Variants in ESRRG observed in about 807,000 individuals in gnomAD.
ESRRG encodes estrogen-related receptor gamma.
Under a neutral mutation model 44.0 loss-of-function variants are expected in ESRRG, and 13 were observed. That is an observed-to-expected ratio of 0.30 (90% CI 0.19 to 0.47). The LOEUF (loss-of-function observed/expected upper bound fraction) is 0.47, where lower values mean the gene tolerates loss of function less well. Among genes scored for constraint, ESRRG ranks in the 20% least tolerant of loss-of-function variants. The pLI is 1.00. For missense variants in ESRRG, 395 were observed against 580.6 expected (o/e 0.68, Z 3.29); for synonymous variants, 215 against 214.6 (o/e 1.00, Z -0.02).
chr1:216,727,984 G>A (rs528940668), upstream of ESRRG, among the ~76,000 whole-genome samples: 17 of 152,182 alleles, frequency 1.1e-4, no homozygotes, highest in African/African-American at 4.1e-4. Context: ...TTTCACCTTC[G>A]TTTTGTCAAA....
chr1:217,054,352 T>C (rs1353118338), intron 1 of ESRRG, among the ~76,000 whole-genome samples: 1 of 152,214 alleles, frequency 6.6e-6, no homozygotes, highest in African/African-American at 2.4e-5. Flanking sequence ...GCACATTTTA[T>C]TTGCCTTCCT....
chr1:216,646,257 T>G (rs1482953307), intron 3 of ESRRG, among the ~76,000 whole-genome samples: 1 of 152,166 alleles, frequency 6.6e-6, no homozygotes, highest in Non-Finnish European at 1.5e-5. Context: ...CTTATTGATG[T>G]GCTTCTATAA....
chr1:216,966,328 A>T (rs932875251), intron 1 of ESRRG, among the ~76,000 whole-genome samples: 2 of 152,164 alleles, frequency 1.3e-5, no homozygotes, highest in Admixed American at 1.3e-4. Flanking sequence ...GATACACCAG[A>T]TGGTTGTTCA....
chr1:216,522,575 C>T (rs1485949620), intron 5 of ESRRG, among the ~76,000 whole-genome samples: 1 of 151,988 alleles, frequency 6.6e-6, no homozygotes, highest in Admixed American at 6.6e-5. Flanking sequence ...GTTAAGACAG[C>T]CTTGTTATAA....
At chr1:216,865,662 A>C (rs2096142994) in intron 2 of ESRRG, among the ~76,000 whole-genome samples, 1 of 152,186 alleles carries the variant, frequency 6.6e-6, no homozygotes. Context: ...TGCACATTAA[A>C]AATATAATCC....
chr1:216,886,613 T>G (rs777404116), intron 2 of ESRRG, among the ~76,000 whole-genome samples: 39 of 152,200 alleles, frequency 2.6e-4, no homozygotes, highest in Non-Finnish European at 4.3e-4. Flanking sequence ...CTTCAAGAAG[T>G]CATTTAACAA....
intron 1 of ESRRG, among the ~76,000 whole-genome samples, chr1:217,002,798 TCC>T (rs2077214614): frequency 6.6e-6 from 1 of 152,136 alleles, no homozygotes; most frequent in Admixed American, 6.6e-5. Flanking sequence ...AAGTGGAACC[TCC>T]AGCCCCACGC....
In ESRRG at chr1:216,926,748, T is replaced by C. The variant is rs182567099; in HGVS notation, c.-14+12834A>G. Among the ~76,000 whole-genome samples the C allele has an allele frequency of 3.1e-3, 479 of 152,262 alleles. 2 individuals are homozygous for C. The highest frequency in any genetic ancestry group is 0.01 in the African/African-American group (434 of 41,548). On this transcript the variant is annotated intron_variant, in intron 2 of 7. Transcript: ENST00000359162. Reference sequence around the variant, plus strand: ...GATGTTGAAAGAAGCATATAATATTTCCCCTGGGGGATCTGAAGGTAGCAG... The same window carrying C: ...GATGTTGAAAGAAGCATATAATATTCCCCCTGGGGGATCTGAAGGTAGCAG...
At chr1:217,017,608 C>T (rs993930999) in intron 1 of ESRRG, among the ~76,000 whole-genome samples, 3 of 151,984 alleles carry the variant, frequency 2.0e-5, no homozygotes, top group African/African-American at 7.2e-5. Flanking sequence ...AGGTTGACTC[C>T]TTCCCAAATT....
intron 2 of ESRRG, chr1:216,865,086 C>T (rs2096125494): frequency 6.8e-6 from 1 of 148,012 alleles, no homozygotes. Flanking sequence ...AGTGGATCTG[C>T]ATTTTCATGA....
At chr1:216,572,573 A>G (rs2061005365) in intron 3 of ESRRG, among the ~76,000 whole-genome samples, 1 of 152,050 alleles carries the variant, frequency 6.6e-6, no homozygotes, top group South Asian at 2.1e-4. Flanking sequence ...CCAGAAAAAA[A>G]AAATTTTAAA....
At chr1:217,092,170 G>A (rs778874636), upstream of ESRRG, among the ~76,000 whole-genome samples, 4 of 152,078 alleles carry the variant, frequency 2.6e-5, no homozygotes, top group Non-Finnish European at 1.5e-5. Context: ...CCTAGGAACC[G>A]CTCTCTGTTG....
At chr1:217,111,823 G>A (rs1328026377) in intron 1 of ESRRG, among the ~76,000 whole-genome samples, 1 of 152,112 alleles carries the variant, frequency 6.6e-6, no homozygotes, top group Non-Finnish European at 1.5e-5. Flanking sequence ...TCCTCTCATT[G>A]AGAAGACTAC....
Position 216,519,387 on chromosome 1 carries a change from G to C in ESRRG, c.897C>G (p.Ser299Arg), listed in dbSNP as rs754555777. ...FSTLSLADQM[S>R]LLQSAWMEIL... Reference sequence around the variant, plus strand: ...TTTCCATCCAAGCACTCTGCAGAAGGCTCATCTGGTCCGCCAGGGACAGCG... The same window carrying C: ...TTTCCATCCAAGCACTCTGCAGAAGCCTCATCTGGTCCGCCAGGGACAGCG... The change falls in exon 6 of 7, where the codon AGC becomes AGG. Residue 299 changes from serine to arginine, a missense_variant. Physicochemically the swap from Ser to Arg is moderately radical, Grantham distance 110. Around this residue, in one of 5 missense-constraint regions of ESRRG, gnomAD observed 167 missense variants for 251.8 expected, o/e 0.66. Coordinates refer to ENST00000408911, the MANE Select transcript of ESRRG (RefSeq NM_001438.4). The C allele has an allele frequency of 6.2e-7, 1 of 1,613,146 alleles. No individual in the cohort carries two copies. The highest frequency in any genetic ancestry group is 8.5e-7 in the Non-Finnish European group (1 of 1,179,780).
chr1:216,747,099 G>T (rs1330414215), intron 2 of ESRRG, among the ~76,000 whole-genome samples: 1 of 152,046 alleles, frequency 6.6e-6, no homozygotes, highest in African/African-American at 2.4e-5. Context: ...TCACTTTAAA[G>T]CTTCCAAAAA....
At chr1:217,033,422 C>T (rs2082368227) in intron 1 of ESRRG, among the ~76,000 whole-genome samples, 1 of 152,124 alleles carries the variant, frequency 6.6e-6, no homozygotes, top group African/African-American at 2.4e-5. Context: ...TGAAATTCTC[C>T]CTCCTAACTT....
chr1:216,883,406 A>G (rs916863323), intron 2 of ESRRG, among the ~76,000 whole-genome samples: 12 of 151,506 alleles, frequency 7.9e-5, no homozygotes, highest in African/African-American at 2.9e-4. Context: ...AAAAAAAAAA[A>G]AAAAAAAAGA....
intron 1 of ESRRG, among the ~76,000 whole-genome samples, chr1:217,075,585 C>T (rs1246815990): frequency 2.3e-5 from 3 of 132,362 alleles, no homozygotes; most frequent in Admixed American, 7.6e-5. Context: ...TCAAATTGCT[C>T]CTTTCCCCCC....
At chr1:216,727,389 C>T (rs912291251), upstream of ESRRG, among the ~76,000 whole-genome samples, 1 of 152,050 alleles carries the variant, frequency 6.6e-6, no homozygotes, top group Non-Finnish European at 1.5e-5. Context: ...GGGAAAAGAA[C>T]CTAAAATGAG....
Sources: allele counts gnomAD v4.1 joint callset (sites outside exome capture counted in the v4.1 genomes callset), GRCh38; gene constraint gnomAD v4.1.1; regional missense constraint gnomAD v4.1.1; transcripts MANE v1.5; gene names NCBI Gene and HGNC (gene_info 2026-07-23, HGNC 2026-07-21).